GOLGB1: variants seen among roughly 807,000 people sequenced by gnomAD.
GOLGB1 encodes golgin B1.
Under a neutral mutation model 336.9 loss-of-function variants are expected in GOLGB1, and 174 were observed. That is an observed-to-expected ratio of 0.52 (90% CI 0.46 to 0.59). The LOEUF is 0.59. GOLGB1 is among the 20% of genes least tolerant of loss of function. GOLGB1 has a pLI of 0.00. For missense variants in GOLGB1, 3,331 were observed against 3,645.3 expected, an observed-to-expected ratio of 0.91 and a Z score of 2.22; for synonymous variants, 1,208 against 1,289.2, an observed-to-expected ratio of 0.94 and a Z score of 1.35.
Position 121,695,711 on chromosome 3 carries a change from T to A in GOLGB1, c.4812A>T (p.Ala1604=). 3.1e-6 allele frequency: 5 copies of A among 1,611,648 alleles called. No homozygotes were observed. The highest frequency in any genetic ancestry group is 4.2e-6 in the Non-Finnish European group (5 of 1,179,986). Residue 1604 remains alanine, a synonymous_variant, in exon 13 of 22, where the codon GCA becomes GCT. Transcript: ENST00000614479. ...EIESLKSSKI[A]ESTEWQEKHK... is the part of the protein sequence containing the mutation. ...GTTTCTCTTGCCACTCAGTACTTTC[T>A]GCAATCTTAGAAGATTTCAAAGATT...
At chr3:121,724,094 G>A (rs913464750) in intron 5 of GOLGB1, among the ~76,000 whole-genome samples, 5 of 152,062 alleles carry the variant, frequency 3.3e-5, no homozygotes, top group African/African-American at 4.8e-5. Context: ...TGGGGTCATC[G>A]TTGATAATGA....
chr3:121,664,901 C>G (rs1938385965), intron 21 of GOLGB1, 25 bp downstream of exon 21: 3 of 1,356,634 alleles, frequency 2.2e-6, no homozygotes, highest in East Asian at 4.6e-5. Flanking sequence ...ATAAAACACC[C>G]TCTCTTTATC....
Position 121,699,825 on chromosome 3 carries a change from C to T in GOLGB1, c.1580G>A (p.Arg527Lys), listed in dbSNP as rs758328656. ...EAQNRTGEAD[R>K]EVSEISIVDI... is the part of the protein sequence containing the mutation. Reference sequence around the variant, plus strand: ...CACATCACTTACCTCACTGACTTCTCTGTCTGCCTCCCCAGTTCTATTCTG... The same window carrying T: ...CACATCACTTACCTCACTGACTTCTTTGTCTGCCTCCCCAGTTCTATTCTG... The change falls in exon 12 of 22, where the codon AGA (arginine) becomes AAA (lysine). Residue 527 changes from arginine (R) to lysine (K), a missense_variant. Transcript: ENST00000614479. 6.3e-7 allele frequency: 1 copy of T among 1,599,912 alleles called. No individual in the cohort carries two copies. Among genetic ancestry groups the T allele is most frequent in the South Asian group, 1.1e-5 (1 of 90,490 alleles).
intron 5 of GOLGB1, among the ~76,000 whole-genome samples, chr3:121,725,190 T>A (rs1945487964): frequency 6.6e-6 from 1 of 151,784 alleles, no homozygotes; most frequent in African/African-American, 2.4e-5. Context: ...GGAATCACGG[T>A]GTGGGACTAC....
chr3:121,705,429 T>A (rs980121477), intron 10 of GOLGB1, among the ~76,000 whole-genome samples: 9 of 152,140 alleles, frequency 5.9e-5, no homozygotes, highest in African/African-American at 2.2e-4. Flanking sequence ...TTCAGAATAC[T>A]GGATATCAAG....
Position 121,730,857 on chromosome 3 carries a change from T to C in GOLGB1, c.96+19A>G. ...AGAACATATGTCTTACCAGTTTAAA[T>C]CAGAACAGAACTACTCACAGGGTCT... is the stretch of plus-strand genomic sequence containing the variant. On this transcript the variant is annotated intron_variant, in intron 2 of 21. Coordinates refer to ENST00000614479, the MANE Select transcript of GOLGB1 (RefSeq NM_001366282.2). 6.3e-7 allele frequency: 1 copy of C among 1,596,904 alleles called. No homozygotes were observed. The highest frequency in any genetic ancestry group is 8.5e-7 in the Non-Finnish European group (1 of 1,173,714).
Position 121,697,395 on chromosome 3 carries a change from T to A in GOLGB1, c.3128A>T (p.Glu1043Val). The change falls in exon 13 of 22, where the codon GAA becomes GTA. Residue 1043 changes from glutamate (E) to valine (V), a missense_variant. Glu to Val is a moderately radical substitution (Grantham distance 121). Coordinates refer to ENST00000614479, the MANE Select transcript of GOLGB1 (RefSeq NM_001366282.2). ...GTATTCTTTGTTTTCTTTATCTTCT[T>A]CCACTTCTCCCCTCTCAGTCTCACT... ...PLSETERGEV[E>V]EDKENKEYSE... The A allele has an allele frequency of 6.2e-7, 1 of 1,613,552 alleles. No homozygotes were observed. The highest frequency in any genetic ancestry group is 8.5e-7 in the Non-Finnish European group (1 of 1,179,862).
intron 11 of GOLGB1, 112 bp downstream of exon 11, chr3:121,702,369 T>C (rs1438058027): frequency 6.9e-6 from 3 of 431,972 alleles, no homozygotes; most frequent in Non-Finnish European, 1.3e-5. Context: ...ATTATCTAAA[T>C]CTTTATTATC....
Position 121,698,071 on chromosome 3 carries a change from C to T in GOLGB1, c.2452G>A (p.Glu818Lys), listed in dbSNP as rs1208159507. ...TCATCCAGTTCATTCTGTAAAACTT[C>T]AATTTTCACATCTTTAGATTTGGCT... Reference protein sequence around the residue: ...IEAKSKDVKIEVLQNELDDVQ... With the variant: ...IEAKSKDVKIKVLQNELDDVQ... The change falls in exon 13 of 22, where the codon GAA (glutamate) becomes AAA (lysine). Residue 818 changes from glutamate (E) to lysine (K), a missense_variant. Glu to Lys is a moderately conservative substitution (Grantham distance 56). Coordinates refer to ENST00000614479, the MANE Select transcript of GOLGB1 (RefSeq NM_001366282.2). 1 of 1,613,900 alleles carries T rather than the reference C, an allele frequency of 6.2e-7. No individual in the cohort carries two copies. Among genetic ancestry groups the T allele is most frequent in the Admixed American group, 1.7e-5 (1 of 59,982 alleles).
chr3:121,693,820 CTTT>C lies in GOLGB1; in HGVS notation c.6700_6702del (p.Lys2234del), dbSNP rs1193598963. ...TCCTTTAGAACACTGCAATTATCTT[CTTT>C]GAGTCTAATTTCTTCTTCTTTGCTT... On this transcript the variant is annotated inframe_deletion, in exon 13 of 22. Transcript: ENST00000614479. The C allele has an allele frequency of 9.9e-6, 16 of 1,611,534 alleles. No individual in the cohort carries two copies. The highest frequency in any genetic ancestry group is 2.2e-5 in the East Asian group (1 of 44,876).
At chr3:121,711,183 C>A (rs1294772843) in intron 10 of GOLGB1, among the ~76,000 whole-genome samples, 1 of 151,948 alleles carries the variant, frequency 6.6e-6, no homozygotes, top group Non-Finnish European at 1.5e-5. Flanking sequence ...AACAGTGAAA[C>A]TCCATCTCAA....
chr3:121,706,733 CAA>C (rs1200925309), intron 10 of GOLGB1, among the ~76,000 whole-genome samples: 3 of 16,154 alleles, frequency 1.9e-4, no homozygotes, highest in Non-Finnish European at 2.1e-4. Flanking sequence ...GACTCTGTCT[CAA>C]AAAAAAAAAA....
At position 121,695,400 on chromosome 3, in the gene GOLGB1, A is replaced by G; in HGVS notation, c.5123T>C (p.Val1708Ala). 6.2e-7 allele frequency: 1 copy of G among 1,613,976 alleles called. No individual in the cohort carries two copies. Among genetic ancestry groups the G allele is most frequent in the Non-Finnish European group, 8.5e-7 (1 of 1,179,958 alleles). Residue 1708 changes from valine (V) to alanine (A), a missense_variant, in exon 13 of 22, where the codon GTG (valine) becomes GCG (alanine). Coordinates refer to ENST00000614479, the MANE Select transcript of GOLGB1 (RefSeq NM_001366282.2). ...TTTAGCTGTATCTCCTGCAGGGTGCACCTCTGCCCTAAGCCGGTCATTCTC... is the reference window on the plus strand; with the variant it reads ...TTTAGCTGTATCTCCTGCAGGGTGCGCCTCTGCCCTAAGCCGGTCATTCTC... ...EEENDRLRAE[V>A]HPAGDTAKEC...
At position 121,691,803 on chromosome 3, in the gene GOLGB1, TC is replaced by T; in HGVS notation, c.7560del (p.Arg2521GlufsTer14). 1 of 1,614,044 alleles carries T rather than the reference TC, an allele frequency of 6.2e-7. No individual in the cohort carries two copies. Among genetic ancestry groups the T allele is most frequent in the Non-Finnish European group, 8.5e-7 (1 of 1,179,938 alleles). On this transcript the variant is annotated frameshift_variant, in exon 14 of 22. Transcript: ENST00000614479. LOFTEE classifies it high-confidence loss of function. ...NNKLKEEIRGLRSHMDDLNSE... is the reference protein window; with the variant it reads ...NNKLKEEIRGXRSHMDDLNSE... ...GAATTGAGATCATCCATATGACTTC[TC>T]AAGCCTCGTATTTCTTCTTTAAGCT...
Position 121,691,879 on chromosome 3 carries a change from T to C in GOLGB1, c.7485A>G (p.Ile2495Met), listed in dbSNP as rs762638281. The change falls in exon 14 of 22, where the codon ATA (isoleucine) becomes ATG (methionine). Residue 2495 changes from isoleucine to methionine, a missense_variant. Ile to Met is a conservative substitution (Grantham distance 10). Transcript: ENST00000614479. ...YQQLEERHLS[I>M]ILEKDQLIQE... ...GGATGAGTTGGTCTTTTTCCAAGAT[T>C]ATAGAGAGATGTCGCTCTTCCAGCT... The C allele has an allele frequency of 6.2e-7, 1 of 1,613,792 alleles. No homozygotes were observed. Among genetic ancestry groups the C allele is most frequent in the Non-Finnish European group, 8.5e-7 (1 of 1,179,718 alleles).
At chr3:121,677,951 T>C (rs759662109) in intron 15 of GOLGB1, among the ~76,000 whole-genome samples, 15 of 152,338 alleles carry the variant, frequency 9.8e-5, no homozygotes, top group East Asian at 3.9e-4. Context: ...TAAATTAAGA[T>C]TCTAACAGAA....
intron 14 of GOLGB1, among the ~76,000 whole-genome samples, chr3:121,689,648 TA>T (rs60317103): frequency 0.3 from 41,636 of 138,396 alleles, 6,553 homozygotes; most frequent in East Asian, 0.7. Flanking sequence ...AATGATCAAT[TA>T]AAAAAAAAAA....
Position 121,677,420 on chromosome 3 carries a change from C to T in GOLGB1, c.8904G>A (p.Glu2968=), listed in dbSNP as rs143551519. The T allele has an allele frequency of 1.8e-5, 29 of 1,609,318 alleles. No individual in the cohort carries two copies. In the African/African-American group the frequency reaches 3.7e-4, roughly 21 times the overall value. Residue 2968 remains glutamate, a synonymous_variant, in exon 16 of 22, where the codon GAG becomes GAA. Transcript: ENST00000614479. ...RMEKSSWEIH[E]RRMKEQYLMA... is the part of the protein sequence containing the mutation. The stretch of plus-strand genomic sequence containing the variant: ...TAAGGTACTGTTCCTTCATTCTCCT[C>T]TCATGTATTTCCCAGGAACTCTTCT...
intron 1 of GOLGB1, among the ~76,000 whole-genome samples, chr3:121,738,444 G>A (rs1447544795): frequency 6.6e-6 from 1 of 152,138 alleles, no homozygotes; most frequent in Non-Finnish European, 1.5e-5. Context: ...CGTGGATATA[G>A]ACAAACCGCC....
Sources: allele counts gnomAD v4.1 joint callset (sites outside exome capture counted in the v4.1 genomes callset), GRCh38; gene constraint gnomAD v4.1.1; transcripts MANE v1.5; gene names NCBI Gene and HGNC (gene_info 2026-07-23, HGNC 2026-07-21).